The following RAD54B variants were observed in gnomAD, a reference collection of about 807,000 sequenced individuals.
RAD54B encodes the protein DNA repair and recombination protein RAD54B.
In RAD54B, 78 loss-of-function variants were observed where a neutral mutation model predicts 95.8. That is an observed-to-expected ratio of 0.81 (90% CI 0.68 to 0.98). The LOEUF (loss-of-function observed/expected upper bound fraction) is 0.98. Ranked by LOEUF, RAD54B falls within the 50% of genes least tolerant of loss-of-function variation. RAD54B has a pLI of 0.00. For synonymous variants in RAD54B, 328 were observed against 354.9 expected (o/e 0.92, Z 0.85); for missense variants, 957 against 1,056.6 (o/e 0.91, Z 1.31).
chr8:94,378,695 T>C (rs775851697), intron 12 of RAD54B, 61 bp from the exon 13 acceptor site: 174 of 1,084,748 alleles, frequency 1.6e-4, no homozygotes, highest in Non-Finnish European at 2.2e-4. Context: ...CTTCCACACA[T>C]GCAATTTGCA....
At chr8:94,389,849 G>A (rs150288923) in intron 10 of RAD54B, among the ~76,000 whole-genome samples, 326 of 152,252 alleles carry the variant, frequency 2.1e-3, no homozygotes, top group African/African-American at 7.2e-3. Flanking sequence ...CCTATTATTA[G>A]TGACTGCATG....
At chr8:94,409,791 T>A (rs545054737) in intron 4 of RAD54B, among the ~76,000 whole-genome samples, 51 of 152,304 alleles carry the variant, frequency 3.3e-4, no homozygotes, top group Non-Finnish European at 5.7e-4. Flanking sequence ...TGCAAAACCA[T>A]GCACACTATA....
chr8:94,393,909 G>A, intron 8 of RAD54B, 27 bp from the exon 9 acceptor site: 1 of 1,551,614 alleles, frequency 6.4e-7, no homozygotes, highest in South Asian at 1.2e-5. Flanking sequence ...ATGAGTAAAA[G>A]GTCAAGTTTG....
chr8:94,384,263 A>G (rs1233754254), intron 11 of RAD54B, among the ~76,000 whole-genome samples: 10 of 152,240 alleles, frequency 6.6e-5, no homozygotes, highest in African/African-American at 2.4e-4. Context: ...TCAGCAATAG[A>G]TGAATGGATA....
chr8:94,382,968 T>C (rs149282792), intron 11 of RAD54B, among the ~76,000 whole-genome samples: 244 of 152,244 alleles, frequency 1.6e-3, no homozygotes, highest in African/African-American at 5.7e-3. Context: ...TATAGCAGTG[T>C]GAAAACGGAC....
chr8:94,383,284 CAAA>C (rs34552024), intron 11 of RAD54B, among the ~76,000 whole-genome samples: 3 of 83,180 alleles, frequency 3.6e-5, no homozygotes, highest in Non-Finnish European at 6.6e-5. Context: ...GACTCCATCT[CAAA>C]AAAAAAAAAA....
At position 94,376,891 on chromosome 8, in the gene RAD54B, T is replaced by C. The variant is rs190279791; in HGVS notation, c.2515+1289A>G. Among the ~76,000 whole-genome samples the C allele has an allele frequency of 8.6e-5, 13 of 151,800 alleles. No individual in the cohort carries two copies. The East Asian group carries it at 2.5e-3, about 29-fold the overall frequency. The stretch of plus-strand genomic sequence containing the variant: ...ATAGAAGAGAAACATTTATATAAAA[T>C]ATATTTATGTTTATATAAAATCTAA... On this transcript the variant is annotated intron_variant, in intron 14 of 14. Coordinates refer to ENST00000336148, the MANE Select transcript of RAD54B (RefSeq NM_012415.3).
At position 94,394,718 on chromosome 8, in the gene RAD54B, A is replaced by G. The variant is rs559627078; in HGVS notation, c.1379-836T>C. ...ATAATTATAATAGTGCCAAAAGAAC[A>G]TATAAATCAGCACAAACAATGTAAT... On this transcript the variant is annotated intron_variant, in intron 8 of 14. Transcript: ENST00000336148. 2.0e-4 allele frequency among the ~76,000 whole-genome samples: 31 copies of G among 152,342 alleles called. 1 individual carries two copies. The highest frequency in any genetic ancestry group is 7.0e-4 in the African/African-American group (29 of 41,586).
Position 94,372,041 on chromosome 8 carries a change from GTA to G in RAD54B, c.*127_*128del. On this transcript the variant is annotated 3_prime_UTR_variant, in exon 15 of 15. Coordinates refer to ENST00000336148, the MANE Select transcript of RAD54B (RefSeq NM_012415.3). ...ATTAAACCACTCAATTTTGACTATT[GTA>G]TCAAAAGTGATATATTTTGCAACAT... 1 of 1,385,628 alleles carries G rather than the reference GTA, an allele frequency of 7.2e-7. No homozygotes were observed. The allele number at this position is 1,385,628 out of a possible 1,614,324, so 85.8% of individuals were successfully genotyped here. A position where few individuals can be genotyped will look rare whatever the true frequency, so the allele number is the denominator to read the frequency against.
intron 3 of RAD54B, among the ~76,000 whole-genome samples, chr8:94,427,449 CTTGT>C (rs898035280): frequency 1.5e-4 from 23 of 152,084 alleles, no homozygotes; most frequent in Admixed American, 7.9e-4. Context: ...AGAACTTACT[CTTGT>C]TTAAGTATGC....
At chr8:94,446,694 C>T (rs890082792) in intron 3 of RAD54B, among the ~76,000 whole-genome samples, 1 of 152,142 alleles carries the variant, frequency 6.6e-6, no homozygotes, top group African/African-American at 2.4e-5. Flanking sequence ...TGTCATCTGG[C>T]CTTCACAGAT....
At chr8:94,468,028 A>G (rs3099399) in intron 1 of RAD54B, 147,106 of 152,776 alleles carry the variant, frequency 0.96, 70,865 homozygotes, top group East Asian at 1. Flanking sequence ...CATACCCACA[A>G]GCCAGAGCTC....
intron 3 of RAD54B, among the ~76,000 whole-genome samples, chr8:94,413,840 CTTT>C (rs71273333): frequency 1.5e-5 from 2 of 131,186 alleles, no homozygotes. Flanking sequence ...TTTTTTTTTT[CTTT>C]TTTTTTTTTT....
chr8:94,409,412 C>T (rs1317879291), intron 4 of RAD54B, among the ~76,000 whole-genome samples: 1 of 151,658 alleles, frequency 6.6e-6, no homozygotes, highest in Non-Finnish European at 1.5e-5. Flanking sequence ...TCTCTCCAGC[C>T]CAGGCTGGAG....
chr8:94,380,090 G>T, intron 12 of RAD54B, 55 bp downstream of exon 12: 1 of 1,499,758 alleles, frequency 6.7e-7, no homozygotes, highest in Non-Finnish European at 9.1e-7. Context: ...ATCCTCAATA[G>T]GCATTGTATC....
intron 2 of RAD54B, among the ~76,000 whole-genome samples, chr8:94,466,195 AGAG>A (rs1813020783): frequency 1.3e-5 from 2 of 152,234 alleles, no homozygotes; most frequent in Admixed American, 6.5e-5. Flanking sequence ...ATAAAAAAGA[AGAG>A]GGAAAAAATT....
At chr8:94,422,752 T>TTATATATATATATA (rs369490267) in intron 3 of RAD54B, among the ~76,000 whole-genome samples, 102 of 125,390 alleles carry the variant, frequency 8.1e-4, no homozygotes, top group African/African-American at 2.7e-3. Flanking sequence ...CCACAAAAAA[T>TTATATATATATATA]TATATATATA....
At chr8:94,467,846 A>G (rs1813069050) in intron 1 of RAD54B, 2 of 231,076 alleles carry the variant, frequency 8.7e-6, no homozygotes, top group Non-Finnish European at 1.7e-5. Flanking sequence ...TCTAGAAACT[A>G]AAGGTAACAT....
intron 3 of RAD54B, among the ~76,000 whole-genome samples, chr8:94,426,199 C>T (rs1190958404): frequency 2.0e-5 from 3 of 151,608 alleles, no homozygotes; most frequent in East Asian, 1.9e-4. Context: ...GCGATCCACC[C>T]GCCTCAGCCT....
Sources: allele counts gnomAD v4.1 joint callset (sites outside exome capture counted in the v4.1 genomes callset), GRCh38; gene constraint gnomAD v4.1.1; transcripts MANE v1.5; gene names NCBI Gene and HGNC (gene_info 2026-07-23, HGNC 2026-07-21).